Variants in KLHL10 observed in about 807,000 individuals in gnomAD.
KLHL10 encodes the protein kelch like family member 10, also known as kelch-like protein 10.
In KLHL10, 11 loss-of-function variants were observed where a neutral mutation model predicts 46.6. The observed-to-expected ratio is 0.24, with a 90% confidence interval of 0.15 to 0.39. The LOEUF (loss-of-function observed/expected upper bound fraction) is 0.39, where lower values mean the gene tolerates loss of function less well. Among genes scored for constraint, KLHL10 ranks in the 10% least tolerant of loss-of-function variants. The pLI is 1.00. For synonymous variants in KLHL10, 254 were observed against 279.1 expected, an observed-to-expected ratio of 0.91 and a Z score of 0.90; for missense variants, 475 against 789.8, an observed-to-expected ratio of 0.60 and a Z score of 4.78.
rs782193633 is a variant in KLHL10, at chr17:41,837,917, G to C, written c.-16G>C. Reference sequence around the variant, plus strand: ...CACCCTAGGAAAGCAGCCTCTCTCCGCTGTCCCAGGGTGCCATGGAGATGG... The same window carrying C: ...CACCCTAGGAAAGCAGCCTCTCTCCCCTGTCCCAGGGTGCCATGGAGATGG... On this transcript the variant is annotated 5_prime_UTR_variant, in exon 1 of 5. Transcript: ENST00000293303. The C allele has an allele frequency of 6.2e-7, 1 of 1,613,160 alleles. No individual in the cohort carries two copies. Among genetic ancestry groups the C allele is most frequent in the South Asian group, 1.1e-5 (1 of 91,038 alleles).
rs782141229 is a variant in KLHL10 at position 41,845,288 on chromosome 17, C to G, written c.847C>G (p.Leu283Val). ...CTCTAATTCTGATTTCACCAACCCA[C>G]TCACCAGACCACGCTTGCCCTATGC... is the stretch of plus-strand genomic sequence containing the variant. ...GPSNSDFTNP[L>V]TRPRLPYAIL... is the part of the protein sequence containing the mutation. The change falls in exon 3 of 5, where the codon CTC (leucine) becomes GTC (valine). Residue 283 changes from leucine (L) to valine (V), a missense_variant. Physicochemically the swap from Leu to Val is conservative, Grantham distance 32. Transcript: ENST00000293303. The G allele has an allele frequency of 6.2e-7, 1 of 1,614,128 alleles. No individual in the cohort carries two copies. The highest frequency in any genetic ancestry group is 1.7e-5 in the Admixed American group (1 of 60,008).
intron 1 of KLHL10, among the ~76,000 whole-genome samples, chr17:41,838,538 C>T (rs2048192685): frequency 6.6e-6 from 1 of 151,614 alleles, no homozygotes; most frequent in East Asian, 2.0e-4. Flanking sequence ...CTGGGATTAC[C>T]ACTGTGCCTG....
chr17:41,840,559 G>T (rs1401562364), intron 1 of KLHL10, among the ~76,000 whole-genome samples: 1 of 149,304 alleles, frequency 6.7e-6, no homozygotes. Flanking sequence ...GCAGAGAATT[G>T]CTTGAACCTG....
At chr17:41,847,458 G>C (rs367826099) in intron 4 of KLHL10, 48 bp downstream of exon 4, 4 of 1,602,684 alleles carry the variant, frequency 2.5e-6, no homozygotes, top group Non-Finnish European at 2.6e-6. Context: ...ATTACCCCTA[G>C]ATTTTGTATT....
chr17:41,836,419 G>A (rs1327879880), upstream of KLHL10: 3 of 985,132 alleles, frequency 3.0e-6, no homozygotes, highest in African/African-American at 5.2e-5. Context: ...GAAGAGCAGG[G>A]TGAAGGTCCC....
At chr17:41,840,482 G>A (rs8069261) in intron 1 of KLHL10, among the ~76,000 whole-genome samples, 115,118 of 151,742 alleles carry the variant, frequency 0.76, 43,928 homozygotes, top group Admixed American at 0.85. Flanking sequence ...ACAAAAAACC[G>A]GGCATAAATA....
chr17:41,844,206 C>T (rs1476355640), intron 2 of KLHL10, among the ~76,000 whole-genome samples: 31 of 151,330 alleles, frequency 2.0e-4, no homozygotes, highest in East Asian at 7.8e-4. Context: ...ACTACAGGCA[C>T]GCGGCACCAT....
chr17:41,847,548 C>A, intron 4 of KLHL10, 138 bp downstream of exon 4: 2 of 1,001,278 alleles, frequency 2.0e-6, no homozygotes, highest in Non-Finnish European at 3.0e-6. Flanking sequence ...CTCTGTTGCC[C>A]AGGCTGTACT....
At chr17:41,844,552 T>A (rs1477340301) in intron 2 of KLHL10, among the ~76,000 whole-genome samples, 1 of 80,120 alleles carries the variant, frequency 1.2e-5, no homozygotes, top group Non-Finnish European at 2.5e-5. Context: ...ATTTTTTTTT[T>A]TTTTTTTTTT....
At chr17:41,836,769 T>G (rs1190108312), upstream of KLHL10, among the ~76,000 whole-genome samples, 3 of 151,910 alleles carry the variant, frequency 2.0e-5, no homozygotes, top group African/African-American at 7.3e-5. Flanking sequence ...CAGGCTCCAG[T>G]AGGCCGAGAT....
intron 2 of KLHL10, among the ~76,000 whole-genome samples, chr17:41,842,573 T>C (rs1390821605): frequency 6.6e-6 from 1 of 152,130 alleles, no homozygotes; most frequent in African/African-American, 2.4e-5. Context: ...GTGGCTCACT[T>C]TGGGAGGCCG....
rs2048276564 is a variant in KLHL10, at chr17:41,845,653, A to G, written c.1212A>G (p.Glu404=). 6.2e-7 allele frequency: 1 copy of G among 1,612,354 alleles called. No individual in the cohort carries two copies. Among genetic ancestry groups the G allele is most frequent in the South Asian group, 1.1e-5 (1 of 90,994 alleles). The change falls in exon 3 of 5, where the codon GAA becomes GAG. Residue 404 remains glutamate, a synonymous_variant. Coordinates refer to ENST00000293303, the MANE Select transcript of KLHL10 (RefSeq NM_152467.5). ...GCTACGTGCGTCTAAACACTGCTGA[A>G]CGTTATGAGCCAGAGACCAATCAAT... ...FDGYVRLNTA[E]RYEPETNQWT...
intron 1 of KLHL10, 160 bp from the exon 2 acceptor site, chr17:41,841,663 C>G (rs1268050538): frequency 1.3e-6 from 1 of 762,664 alleles, no homozygotes; most frequent in Non-Finnish European, 2.2e-6. Flanking sequence ...TCTCCATCCA[C>G]AAGGTAAGAG....
rs185984794 is a variant in KLHL10 at position 41,845,450 on chromosome 17, T to C, written c.1009T>C (p.Leu337=). 7.4e-5 allele frequency: 120 copies of C among 1,614,212 alleles called. No homozygotes were observed. In the East Asian group the frequency reaches 1.5e-3, roughly 21 times the overall value. ...SPRAYHGAAY[L]KGYVYIIGGF... ...CCGTGCCTACCATGGGGCAGCCTAT[T>C]TGAAAGGCTATGTGTATATCATTGG... is the stretch of plus-strand genomic sequence containing the variant. Residue 337 remains leucine (L), a synonymous_variant, in exon 3 of 5, where the codon TTG becomes CTG. Coordinates refer to ENST00000293303, the MANE Select transcript of KLHL10 (RefSeq NM_152467.5).
In KLHL10 at chr17:41,842,119, T is replaced by C; in HGVS notation, c.491T>C (p.Ile164Thr). The stretch of plus-strand genomic sequence containing the variant: ...CTGAGGCAGAAGGCCTACATGTTCA[T>C]ACTGCACAACTTTGAGGAGATGGTG... ...PELRQKAYMF[I>T]LHNFEEMVKV... is the part of the protein sequence containing the mutation. Residue 164 changes from isoleucine (I) to threonine (T), a missense_variant, in exon 2 of 5, where the codon ATA becomes ACA. Physicochemically the swap from Ile to Thr is moderately conservative, Grantham distance 89. Transcript: ENST00000293303. 6.2e-7 allele frequency: 1 copy of C among 1,614,190 alleles called. No individual in the cohort carries two copies.
upstream of KLHL10, chr17:41,836,089 C>G: frequency 1.5e-6 from 2 of 1,348,932 alleles, no homozygotes; most frequent in Middle Eastern, 5.1e-4. Context: ...CTGGGTGAAG[C>G]GGCGGTGCCT....
rs782707612 is a variant in KLHL10 at position 41,842,055 on chromosome 17, G to C, written c.427G>C (p.Gly143Arg). The change falls in exon 2 of 5, where the codon GGC becomes CGC. Residue 143 changes from glycine (G) to arginine (R), a missense_variant. By Grantham distance (125) the Gly-to-Arg change is moderately radical (BLOSUM62 -2). Coordinates refer to ENST00000293303, the MANE Select transcript of KLHL10 (RefSeq NM_152467.5). ...KSELCLDNCI[G>R]ICKFTDYYYC... ...AGAGCTGTGCTTGGATAATTGTATC[G>C]GCATCTGTAAGTTCACGGACTACTA... 1 of 1,613,958 alleles carries C rather than the reference G, an allele frequency of 6.2e-7. No homozygotes were observed. Among genetic ancestry groups the C allele is most frequent in the Non-Finnish European group, 8.5e-7 (1 of 1,180,034 alleles).
At chr17:41,838,788 AATCC>A (rs2048197192) in intron 1 of KLHL10, among the ~76,000 whole-genome samples, 2 of 150,598 alleles carry the variant, frequency 1.3e-5, no homozygotes, top group Non-Finnish European at 3.0e-5. Flanking sequence ...TCCCCAGTTC[AATCC>A]ATTCTCCCAC....
At chr17:41,839,827 C>T (rs549306469) in intron 1 of KLHL10, among the ~76,000 whole-genome samples, 1 of 152,302 alleles carries the variant, frequency 6.6e-6, no homozygotes, top group African/African-American at 2.4e-5. Context: ...ATTCTCCTGC[C>T]TCAGCCTCCC....
Sources: allele counts gnomAD v4.1 joint callset (sites outside exome capture counted in the v4.1 genomes callset), GRCh38; gene constraint gnomAD v4.1.1; transcripts MANE v1.5; gene names NCBI Gene and HGNC (gene_info 2026-07-23, HGNC 2026-07-21).